The following GALNT17 variants were observed in gnomAD, a reference collection of about 807,000 sequenced individuals.
GALNT17 encodes polypeptide N-acetylgalactosaminyltransferase 17.
GALNT17 carries 29 observed loss-of-function variants against 63.7 expected under a neutral mutation model. The observed-to-expected ratio is 0.46, with a 90% confidence interval of 0.34 to 0.62. GALNT17 has a LOEUF of 0.62. Among genes scored for constraint, GALNT17 ranks in the 20% least tolerant of loss-of-function variants. The pLI, the probability that GALNT17 is intolerant of heterozygous loss-of-function variation, is 0.01. For missense variants in GALNT17, 603 were observed against 799.6 expected, an observed-to-expected ratio of 0.75 and a Z score of 2.97; for synonymous variants, 305 against 318.3, an observed-to-expected ratio of 0.96 and a Z score of 0.45.
At chr7:71,144,747 T>C (rs1787982342) in intron 1 of GALNT17, among the ~76,000 whole-genome samples, 1 of 152,072 alleles carries the variant, frequency 6.6e-6, no homozygotes, top group African/African-American at 2.4e-5. Flanking sequence ...TTGTTTTGTT[T>C]TTGATGGAGT....
chr7:71,480,392 G>C (rs1325635018), intron 5 of GALNT17, among the ~76,000 whole-genome samples: 1 of 151,982 alleles, frequency 6.6e-6, no homozygotes, highest in African/African-American at 2.4e-5. Flanking sequence ...GGTCTCTGCA[G>C]TCAGTCCTCT....
At chr7:71,578,719 A>G (rs1482093589) in intron 6 of GALNT17, among the ~76,000 whole-genome samples, 2 of 152,110 alleles carry the variant, frequency 1.3e-5, no homozygotes, top group Non-Finnish European at 2.9e-5. Flanking sequence ...CCACTCCCAC[A>G]GGTCTCTTTG....
chr7:71,535,362 G>C (rs1244151529), intron 5 of GALNT17, among the ~76,000 whole-genome samples: 1 of 152,176 alleles, frequency 6.6e-6, no homozygotes, highest in East Asian at 1.9e-4. Context: ...CTGCTAGCCA[G>C]CTGCATCTGC....
At chr7:71,325,016 CTTAA>C (rs1791681580) in intron 1 of GALNT17, among the ~76,000 whole-genome samples, 1 of 152,154 alleles carries the variant, frequency 6.6e-6, no homozygotes, top group Admixed American at 6.5e-5. Flanking sequence ...ATTTCACCTT[CTTAA>C]TTATTGGAGT....
intron 2 of GALNT17, among the ~76,000 whole-genome samples, chr7:71,387,136 G>A (rs1173815978): frequency 4.6e-5 from 7 of 151,766 alleles, no homozygotes; most frequent in African/African-American, 1.7e-4. Context: ...ATCCTGCTGC[G>A]GAAATTTACA....
intron 2 of GALNT17, among the ~76,000 whole-genome samples, chr7:71,360,677 A>G (rs1406839858): frequency 4.6e-5 from 7 of 152,218 alleles, no homozygotes; most frequent in Admixed American, 3.9e-4. Flanking sequence ...TCATGCCTGT[A>G]ATCCCAGTAC....
chr7:71,160,206 A>G (rs537954456), intron 1 of GALNT17, among the ~76,000 whole-genome samples: 1 of 152,340 alleles, frequency 6.6e-6, no homozygotes, highest in African/African-American at 2.4e-5. Context: ...GCTTCTTTTT[A>G]TCCTGTCAAC....
intron 1 of GALNT17, among the ~76,000 whole-genome samples, chr7:71,287,146 G>A (rs902553720): frequency 6.6e-6 from 1 of 152,050 alleles, no homozygotes; most frequent in Admixed American, 6.6e-5. Flanking sequence ...CTGGAGTGCC[G>A]TGGTGCAATC....
chr7:71,628,681 A>G (rs1228461160), intron 6 of GALNT17, among the ~76,000 whole-genome samples: 1 of 151,804 alleles, frequency 6.6e-6, no homozygotes, highest in Non-Finnish European at 1.5e-5. Flanking sequence ...CTGTAATTCC[A>G]GCACTTTGGG....
intron 1 of GALNT17, among the ~76,000 whole-genome samples, chr7:71,218,887 C>T (rs563937734): frequency 1.3e-4 from 20 of 152,214 alleles, no homozygotes; most frequent in African/African-American, 4.8e-4. Context: ...AGGGGTCCCA[C>T]TGATTCTGCA....
chr7:71,134,349 C>T (rs1406935708), intron 1 of GALNT17, among the ~76,000 whole-genome samples: 1 of 152,138 alleles, frequency 6.6e-6, no homozygotes, highest in Non-Finnish European at 1.5e-5. Context: ...AGACATATAC[C>T]TTCTCACATT....
chr7:71,684,258 G>C (rs1216207206), intron 9 of GALNT17, among the ~76,000 whole-genome samples: 2 of 152,134 alleles, frequency 1.3e-5, no homozygotes, highest in Non-Finnish European at 2.9e-5. Context: ...TTGCTACACC[G>C]CTCCAGACAG....
chr7:71,383,918 G>A (rs1221623724), intron 2 of GALNT17, among the ~76,000 whole-genome samples: 3 of 152,010 alleles, frequency 2.0e-5, no homozygotes, highest in Non-Finnish European at 2.9e-5. Flanking sequence ...ATGAACATGC[G>A]GGTACAAGTA....
chr7:71,378,997 A>G (rs985135026), intron 2 of GALNT17, among the ~76,000 whole-genome samples: 5 of 152,090 alleles, frequency 3.3e-5, no homozygotes, highest in Admixed American at 2.6e-4. Context: ...GCAAAACCCT[A>G]TCTCTAAAAA....
chr7:71,232,900 A>G (rs1789818995), intron 1 of GALNT17, among the ~76,000 whole-genome samples: 2 of 152,114 alleles, frequency 1.3e-5, no homozygotes, highest in South Asian at 2.1e-4. Context: ...TAATTTAGCC[A>G]GTTACCAATC....
intron 3 of GALNT17, among the ~76,000 whole-genome samples, chr7:71,397,904 T>C (rs893722334): frequency 1.3e-5 from 2 of 152,098 alleles, no homozygotes; most frequent in African/African-American, 4.8e-5. Flanking sequence ...GATGTTGCCT[T>C]CTTTCAGAAT....
Position 71,157,720 on chromosome 7 carries a change from T to C in GALNT17, c.238+24680T>C, listed in dbSNP as rs1788263112. The stretch of plus-strand genomic sequence containing the variant: ...AATTTACTGTCTTTACCATTTTAAG[T>C]GTACAGCTCGGTAGTAACAAATACA... On this transcript the variant is annotated intron_variant, in intron 1 of 10. Coordinates refer to ENST00000333538, the MANE Select transcript of GALNT17 (RefSeq NM_022479.3). Among the ~76,000 whole-genome samples the C allele has an allele frequency of 2.0e-5, 3 of 151,876 alleles. No homozygotes were observed. In the South Asian group the frequency reaches 6.2e-4, roughly 31 times the overall value.
chr7:71,493,775 C>T (rs1281188190), intron 5 of GALNT17, among the ~76,000 whole-genome samples: 1 of 152,200 alleles, frequency 6.6e-6, no homozygotes, highest in Non-Finnish European at 1.5e-5. Context: ...CCCTCCACTT[C>T]TCCATCCTTC....
chr7:71,509,235 C>T (rs558916809), intron 5 of GALNT17, among the ~76,000 whole-genome samples: 1 of 152,318 alleles, frequency 6.6e-6, no homozygotes, highest in African/African-American at 2.4e-5. Flanking sequence ...TGATTTTCCC[C>T]GACAGCCGGC....
Sources: allele counts gnomAD v4.1 joint callset (sites outside exome capture counted in the v4.1 genomes callset), GRCh38; gene constraint gnomAD v4.1.1; transcripts MANE v1.5; gene names NCBI Gene and HGNC (gene_info 2026-07-23, HGNC 2026-07-21).